INAFM2: variants seen among roughly 807,000 people sequenced by gnomAD.
The protein encoded by INAFM2 is InaF motif containing 2.
Under a neutral mutation model 5.6 loss-of-function variants are expected in INAFM2, and 3 were observed. The observed-to-expected ratio is 0.54, with a 90% CI of 0.24 to 1.39. The LOEUF (loss-of-function observed/expected upper bound fraction) is 1.39, where lower values mean the gene tolerates loss of function less well. INAFM2 is among the 40% of genes most tolerant of loss of function. The probability of loss-of-function intolerance (pLI) is 0.16; values close to 1 mark genes in which losing one functional copy is unlikely to be tolerated. For synonymous variants in INAFM2, 113 were observed against 109.1 expected, an observed-to-expected ratio of 1.04 and a Z score of -0.22; for missense variants, 186 against 217.5, an observed-to-expected ratio of 0.86 and a Z score of 0.91.
chr15:40,326,647 A>G lies in INAFM2; in HGVS notation c.*2130A>G, dbSNP rs1429299899. The stretch of plus-strand genomic sequence containing the variant: ...ATTTAAGATATACCTGTACTCAAAA[A>G]GTCCTGTATATTTTTAAAAAGTTTT... On this transcript the variant is annotated 3_prime_UTR_variant, in exon 1 of 1. Transcript: ENST00000638170. 6.6e-6 allele frequency: 1 copy of G among 152,280 alleles called. No individual in the cohort carries two copies. The highest frequency in any genetic ancestry group is 1.5e-5 in the Non-Finnish European group (1 of 68,050). 9.4% of individuals were successfully genotyped at this position (152,280 alleles called of 1,614,324 possible).
Position 40,324,379 on chromosome 15 carries a change from C to A in INAFM2, c.324C>A (p.Arg108=), listed in dbSNP as rs1315073246. The change falls in exon 1 of 1, where the codon CGC becomes CGA. Residue 108 remains arginine, a synonymous_variant. Coordinates refer to ENST00000638170, the MANE Select transcript of INAFM2 (RefSeq NM_001301268.2). ...TTGSSRREAP[R]DVPPLQAARP... ...GGTCGTCCCGCCGCGAGGCGCCGCGCGACGTTCCCCCACTGCAGGCGGCGC... is the reference window on the plus strand; with the variant it reads ...GGTCGTCCCGCCGCGAGGCGCCGCGAGACGTTCCCCCACTGCAGGCGGCGC... 8.2e-7 allele frequency: 1 copy of A among 1,221,844 alleles called. No homozygotes were observed. Among genetic ancestry groups the A allele is most frequent in the Non-Finnish European group, 1.0e-6 (1 of 981,582 alleles). 75.7% of individuals were successfully genotyped at this position (1,221,844 alleles called of 1,614,324 possible).
In INAFM2 at chr15:40,325,953, T is replaced by C. The variant is rs1888786956; in HGVS notation, c.*1436T>C. On this transcript the variant is annotated 3_prime_UTR_variant, in exon 1 of 1. Transcript: ENST00000638170. ...ATTGAGTGTGGGTAGTGATGAGATA[T>C]CAAATCCCTTAGTGTTTCCATTTTG... 6.6e-6 allele frequency: 1 copy of C among 152,236 alleles called. No individual in the cohort carries two copies. The highest frequency in any genetic ancestry group is 2.4e-5 in the African/African-American group (1 of 41,458). 9.4% of individuals were successfully genotyped at this position (152,236 alleles called of 1,614,324 possible).
chr15:40,326,205 A>C lies in INAFM2; in HGVS notation c.*1688A>C, dbSNP rs1362379305. ...ACCTCCAGGGTCTCTTGGCTAGAGC[A>C]GATTTCTTAGCAGCTGACTAGGACT... On this transcript the variant is annotated 3_prime_UTR_variant, in exon 1 of 1. Transcript: ENST00000638170. 1 of 152,250 alleles carries C rather than the reference A, an allele frequency of 6.6e-6. No individual in the cohort carries two copies. Among genetic ancestry groups the C allele is most frequent in the East Asian group, 1.9e-4 (1 of 5,204 alleles). The allele number at this position is 152,250 out of a possible 1,614,324, so 9.4% of individuals were successfully genotyped here. A position where few individuals can be genotyped will look rare whatever the true frequency, so the allele number is the denominator to read the frequency against.
In INAFM2 at chr15:40,325,389, C is replaced by G. The variant is rs1888774134; in HGVS notation, c.*872C>G. On this transcript the variant is annotated 3_prime_UTR_variant, in exon 1 of 1. Transcript: ENST00000638170. ...GGCTTCTTGTTGCAGCCCTCAGTATCTGGATATGGGCCAGGGAGGAAGGAA... is the reference window on the plus strand; with the variant it reads ...GGCTTCTTGTTGCAGCCCTCAGTATGTGGATATGGGCCAGGGAGGAAGGAA... The G allele has an allele frequency of 1.3e-5, 2 of 152,248 alleles. No individual in the cohort carries two copies. The highest frequency in any genetic ancestry group is 2.9e-5 in the Non-Finnish European group (2 of 68,056). The allele number at this position is 152,248 out of a possible 1,614,324, so 9.4% of individuals were successfully genotyped here.
rs1888734216 is a variant in INAFM2, at chr15:40,323,765, C to A, written c.-291C>A. The A allele has an allele frequency of 7.0e-6, 1 of 141,942 alleles. No homozygotes were observed. 8.8% of individuals were successfully genotyped at this position (141,942 alleles called of 1,614,324 possible). On this transcript the variant is annotated 5_prime_UTR_variant, in exon 1 of 1. Coordinates refer to ENST00000638170, the MANE Select transcript of INAFM2 (RefSeq NM_001301268.2). The surrounding 1 kb of genome is among the most constrained non-coding windows in gnomAD (Gnocchi z 5.6). ...GGCGGCGTGGCGGCGGATGGGGACG[C>A]GGAGCCGGGCGGCTGTGGCGGCTGT...
rs935809162 is a variant in INAFM2, at chr15:40,324,813, G to T, written c.*296G>T. 1 of 274,490 alleles carries T rather than the reference G, an allele frequency of 3.6e-6. No individual in the cohort carries two copies. The highest frequency in any genetic ancestry group is 6.8e-6 in the Non-Finnish European group (1 of 147,534). 17.0% of individuals were successfully genotyped at this position (274,490 alleles called of 1,614,324 possible). On this transcript the variant is annotated 3_prime_UTR_variant, in exon 1 of 1. Transcript: ENST00000638170. ...GGAGATCCCGGCACCAAACCCTTCT[G>T]CGCCGCTCGCTCTGGTGTATCCTAC...
At position 40,325,076 on chromosome 15, in the gene INAFM2, AC is replaced by A. The variant is rs1408275806; in HGVS notation, c.*562del. ...TAGAATTCTATGTATATCCTCCCAC[AC>A]CCTGGGTAGCTACTGACTGAAGGGG... On this transcript the variant is annotated 3_prime_UTR_variant, in exon 1 of 1. Transcript: ENST00000638170. 1.3e-5 allele frequency: 2 copies of A among 152,158 alleles called. No individual in the cohort carries two copies. Among genetic ancestry groups the A allele is most frequent in the Non-Finnish European group, 2.9e-5 (2 of 68,032 alleles). 9.4% of individuals were successfully genotyped at this position (152,158 alleles called of 1,614,324 possible).
rs1235125821 is a variant in INAFM2, at chr15:40,324,441, C to G, written c.386C>G (p.Pro129Arg). 5 of 1,226,730 alleles carry G rather than the reference C, an allele frequency of 4.1e-6. No homozygotes were observed. Among genetic ancestry groups the G allele is most frequent in the Non-Finnish European group, 3.0e-6 (3 of 984,656 alleles). 76.0% of individuals were successfully genotyped at this position (1,226,730 alleles called of 1,614,324 possible). ...APPEPPADSP[P>R]AGPLERPRGP... ...CCGGAGCCCCCTGCGGACAGCCCCC[C>G]GGCCGGGCCGCTCGAGCGGCCTCGG... Residue 129 changes from proline to arginine, a missense_variant, in exon 1 of 1, where the codon CCG becomes CGG. Physicochemically the swap from Pro to Arg is moderately radical, Grantham distance 103. Coordinates refer to ENST00000638170, the MANE Select transcript of INAFM2 (RefSeq NM_001301268.2).
chr15:40,324,352 T>G lies in INAFM2; in HGVS notation c.297T>G (p.Thr99=), dbSNP rs759396719. ...CGGCGGCGGCGGGGCCCAACACCAC[T>G]GGGTCGTCCCGCCGCGAGGCGCCGC... ...SGAAAAGPNT[T]GSSRREAPRD... is the part of the protein sequence containing the mutation. Residue 99 remains threonine, a synonymous_variant, in exon 1 of 1, where the codon ACT becomes ACG. Coordinates refer to ENST00000638170, the MANE Select transcript of INAFM2 (RefSeq NM_001301268.2). 6.5e-4 allele frequency: 799 copies of G among 1,224,344 alleles called. No homozygotes were observed. The highest frequency in any genetic ancestry group is 7.7e-4 in the Non-Finnish European group (760 of 983,488). The allele number at this position is 1,224,344 out of a possible 1,614,324, so 75.8% of individuals were successfully genotyped here. A position where few individuals can be genotyped will look rare whatever the true frequency, so the allele number is the denominator to read the frequency against.
chr15:40,324,717 G>A lies in INAFM2; in HGVS notation c.*200G>A, dbSNP rs763424474. 1.4e-4 allele frequency: 56 copies of A among 391,632 alleles called. No individual in the cohort carries two copies. The highest frequency in any genetic ancestry group is 3.2e-4 in the Admixed American group (7 of 21,838). 24.3% of individuals were successfully genotyped at this position (391,632 alleles called of 1,614,324 possible). A position where few individuals can be genotyped will look rare whatever the true frequency, so the allele number is the denominator to read the frequency against. On this transcript the variant is annotated 3_prime_UTR_variant, in exon 1 of 1. Transcript: ENST00000638170. ...CCAAGGGACCACGATTCGCCGGGGGGCTGGGGGTTTGCTGCCCAGGACCGT... is the reference window on the plus strand; with the variant it reads ...CCAAGGGACCACGATTCGCCGGGGGACTGGGGGTTTGCTGCCCAGGACCGT...
In INAFM2 at chr15:40,324,135, C is replaced by G; in HGVS notation, c.80C>G (p.Ala27Gly). The part of the protein sequence containing the change: ...YTGDKKAKMA[A>G]KTNKKWVRLA... ...GGGGACAAGAAGGCGAAGATGGCGG[C>G]CAAGACCAACAAGAAGTGGGTCCGG... The change falls in exon 1 of 1, where the codon GCC becomes GGC. Residue 27 changes from alanine (A) to glycine (G), a missense_variant. Physicochemically the swap from Ala to Gly is moderately conservative, Grantham distance 60. Coordinates refer to ENST00000638170, the MANE Select transcript of INAFM2 (RefSeq NM_001301268.2). 1 of 1,229,582 alleles carries G rather than the reference C, an allele frequency of 8.1e-7. No individual in the cohort carries two copies. Among genetic ancestry groups the G allele is most frequent in the Non-Finnish European group, 1.0e-6 (1 of 986,672 alleles). 76.2% of individuals were successfully genotyped at this position (1,229,582 alleles called of 1,614,324 possible).
Position 40,324,607 on chromosome 15 carries a change from G to C in INAFM2, c.*90G>C, listed in dbSNP as rs1888756098. 2.1e-6 allele frequency: 2 copies of C among 965,910 alleles called. No individual in the cohort carries two copies. The highest frequency in any genetic ancestry group is 2.7e-6 in the Non-Finnish European group (2 of 750,276). The allele number at this position is 965,910 out of a possible 1,614,324, so 59.8% of individuals were successfully genotyped here. On this transcript the variant is annotated 3_prime_UTR_variant, in exon 1 of 1. Transcript: ENST00000638170. ...AGGATGGGGTGGAGAGCCCGCGGGA[G>C]TGACCCCCACGAGAGTGAACGCCCC...
At position 40,324,541 on chromosome 15, in the gene INAFM2, G is replaced by T; in HGVS notation, c.*24G>T. 8.3e-7 allele frequency: 1 copy of T among 1,208,692 alleles called. No homozygotes were observed. Among genetic ancestry groups the T allele is most frequent in the Non-Finnish European group, 1.0e-6 (1 of 971,808 alleles). 74.9% of individuals were successfully genotyped at this position (1,208,692 alleles called of 1,614,324 possible). The stretch of plus-strand genomic sequence containing the variant: ...GAAGCCCTCCGCGCTGGGGGCCGCC[G>T]GGAACCATTCTCCCCAAGCCCAGAG... On this transcript the variant is annotated 3_prime_UTR_variant, in exon 1 of 1. Coordinates refer to ENST00000638170, the MANE Select transcript of INAFM2 (RefSeq NM_001301268.2).
rs1888788628 is a variant in INAFM2, at chr15:40,326,037, A to G, written c.*1520A>G. On this transcript the variant is annotated 3_prime_UTR_variant, in exon 1 of 1. Transcript: ENST00000638170. ...AACTTACCCACCTGAGTCCTGAAACAGTTTGTCTCTCCAGTTTTCTGGCCT... is the reference window on the plus strand; with the variant it reads ...AACTTACCCACCTGAGTCCTGAAACGGTTTGTCTCTCCAGTTTTCTGGCCT... 1 of 152,070 alleles carries G rather than the reference A, an allele frequency of 6.6e-6. No homozygotes were observed. Among genetic ancestry groups the G allele is most frequent in the South Asian group, 2.1e-4 (1 of 4,822 alleles). 9.4% of individuals were successfully genotyped at this position (152,070 alleles called of 1,614,324 possible). A position where few individuals can be genotyped will look rare whatever the true frequency, so the allele number is the denominator to read the frequency against.
chr15:40,326,193 C>G lies in INAFM2; in HGVS notation c.*1676C>G, dbSNP rs1475470937. On this transcript the variant is annotated 3_prime_UTR_variant, in exon 1 of 1. Transcript: ENST00000638170. ...CAGGCTGGTAACACCTCCAGGGTCTCTTGGCTAGAGCAGATTTCTTAGCAG... is the reference window on the plus strand; with the variant it reads ...CAGGCTGGTAACACCTCCAGGGTCTGTTGGCTAGAGCAGATTTCTTAGCAG... 6.6e-6 allele frequency: 1 copy of G among 152,194 alleles called. No individual in the cohort carries two copies. Among genetic ancestry groups the G allele is most frequent in the African/African-American group, 2.4e-5 (1 of 41,438 alleles). The allele number at this position is 152,194 out of a possible 1,614,324, so 9.4% of individuals were successfully genotyped here.
Position 40,323,892 on chromosome 15 carries a change from C to A in INAFM2, c.-164C>A. On this transcript the variant is annotated 5_prime_UTR_variant, in exon 1 of 1. Transcript: ENST00000638170. This position sits in a 1 kb window ranked among gnomAD's most constrained non-coding sequence, Gnocchi z 5.6. ...GTCCAGGCCCCGGCGGCGGCTGCAG[C>A]AACGCGGTGGCGGGCTGCGGGCGGG... is the stretch of plus-strand genomic sequence containing the variant. The A allele has an allele frequency of 5.1e-6, 1 of 195,096 alleles. No individual in the cohort carries two copies. Among genetic ancestry groups the A allele is most frequent in the South Asian group, 1.6e-4 (1 of 6,332 alleles). 12.1% of individuals were successfully genotyped at this position (195,096 alleles called of 1,614,324 possible). A position where few individuals can be genotyped will look rare whatever the true frequency, so the allele number is the denominator to read the frequency against.
In INAFM2 at chr15:40,324,860, T is replaced by A. The variant is rs1012671734; in HGVS notation, c.*343T>A. 3.5e-5 allele frequency: 7 copies of A among 201,712 alleles called. No homozygotes were observed. The highest frequency in any genetic ancestry group is 6.0e-5 in the Admixed American group (1 of 16,574). 12.5% of individuals were successfully genotyped at this position (201,712 alleles called of 1,614,324 possible). ...CTACATGCAGGGGTGACTGGGGCTTTCCCCCAAGACTCAGGGGAAGGATGG... is the reference window on the plus strand; with the variant it reads ...CTACATGCAGGGGTGACTGGGGCTTACCCCCAAGACTCAGGGGAAGGATGG... On this transcript the variant is annotated 3_prime_UTR_variant, in exon 1 of 1. Coordinates refer to ENST00000638170, the MANE Select transcript of INAFM2 (RefSeq NM_001301268.2).
In INAFM2 at chr15:40,324,320, T is replaced by C; in HGVS notation, c.265T>C (p.Ser89Pro). ...GSNATGPSGTSGAAAAGPNTT... is the reference protein window; with the variant it reads ...GSNATGPSGTPGAAAAGPNTT... ...CAACGCCACTGGCCCGTCTGGGACTTCGGGGGCGGCGGCGGCGGGGCCCAA... is the reference window on the plus strand; with the variant it reads ...CAACGCCACTGGCCCGTCTGGGACTCCGGGGGCGGCGGCGGCGGGGCCCAA... Residue 89 changes from serine (S) to proline (P), a missense_variant, in exon 1 of 1, where the codon TCG (serine) becomes CCG (proline). Around this residue, in one of 2 missense-constraint regions of INAFM2, gnomAD observed 148 missense variants for 140.2 expected, o/e 1.06. Transcript: ENST00000638170. 1.2e-5 allele frequency: 15 copies of C among 1,225,540 alleles called. No homozygotes were observed. Among genetic ancestry groups the C allele is most frequent in the Non-Finnish European group, 1.5e-5 (15 of 984,632 alleles). 75.9% of individuals were successfully genotyped at this position (1,225,540 alleles called of 1,614,324 possible).
Position 40,324,326 on chromosome 15 carries a change from G to C in INAFM2, c.271G>C (p.Ala91Pro), listed in dbSNP as rs886085337. 1.6e-6 allele frequency: 2 copies of C among 1,223,742 alleles called. No homozygotes were observed. The highest frequency in any genetic ancestry group is 1.6e-5 in the African/African-American group (1 of 63,992). 75.8% of individuals were successfully genotyped at this position (1,223,742 alleles called of 1,614,324 possible). ...NATGPSGTSGAAAAGPNTTGS... is the reference protein window; with the variant it reads ...NATGPSGTSGPAAAGPNTTGS... The stretch of plus-strand genomic sequence containing the variant: ...CACTGGCCCGTCTGGGACTTCGGGG[G>C]CGGCGGCGGCGGGGCCCAACACCAC... Residue 91 changes from alanine (A) to proline (P), a missense_variant, in exon 1 of 1, where the codon GCG (alanine) becomes CCG (proline). Coordinates refer to ENST00000638170, the MANE Select transcript of INAFM2 (RefSeq NM_001301268.2).
Sources: allele counts gnomAD v4.1 joint callset, GRCh38; gene constraint gnomAD v4.1.1; regional missense constraint gnomAD v4.1.1; non-coding constraint Gnocchi (gnomAD v3.1); transcripts MANE v1.5; gene names NCBI Gene and HGNC (gene_info 2026-07-23, HGNC 2026-07-21).